The following RNF115 variants were observed in gnomAD, a reference collection of about 807,000 sequenced individuals.
The protein encoded by RNF115 is ring finger protein 115, also known as E3 ubiquitin-protein ligase RNF115.
RNF115 carries 31 observed loss-of-function variants against 39.2 expected under a neutral mutation model. The observed-to-expected ratio is 0.79, with a 90% CI of 0.59 to 1.07. RNF115 has a LOEUF of 1.07. RNF115 is among the 50% of genes least tolerant of loss of function. The pLI is 0.00. For synonymous variants in RNF115, 124 were observed against 131.0 expected, an observed-to-expected ratio of 0.95 and a Z score of 0.37; for missense variants, 384 against 381.7, an observed-to-expected ratio of 1.01 and a Z score of -0.05.
chr1:145,746,225 C>CAA lies in RNF115; in HGVS notation c.*639_*640dup, dbSNP rs200797637. 3.3e-5 allele frequency: 4 copies of CAA among 122,574 alleles called. No individual in the cohort carries two copies. The highest frequency in any genetic ancestry group is 8.4e-5 in the Admixed American group (1 of 11,890). The allele number at this position is 122,574 out of a possible 1,614,324, so 7.6% of individuals were successfully genotyped here. On this transcript the variant is annotated 3_prime_UTR_variant, in exon 9 of 9. Transcript: ENST00000582693. The stretch of plus-strand genomic sequence containing the variant: ...TAGGCGACAGAGCGAGACTCCATCT[C>CAA]AAAAAAAAAAAACAAAAAAAATTAA...
chr1:145,765,954 A>T (rs1647239625), intron 4 of RNF115, among the ~76,000 whole-genome samples: 1 of 152,126 alleles, frequency 6.6e-6, no homozygotes, highest in South Asian at 2.1e-4. Flanking sequence ...CACAAAGGCT[A>T]ATCTCTGACA....
At chr1:145,796,286 A>G (rs1648973144) in intron 1 of RNF115, among the ~76,000 whole-genome samples, 1 of 152,208 alleles carries the variant, frequency 6.6e-6, no homozygotes, top group Admixed American at 6.5e-5. Context: ...ACTAATCAAG[A>G]GACAAGGTGT....
chr1:145,756,037 T>A (rs1658281996), intron 4 of RNF115, among the ~76,000 whole-genome samples: 1 of 152,132 alleles, frequency 6.6e-6, no homozygotes, highest in African/African-American at 2.4e-5. Flanking sequence ...ATTCTGAGAA[T>A]TCCCAGCATC....
At chr1:145,796,971 GA>G (rs1466438119) in intron 1 of RNF115, among the ~76,000 whole-genome samples, 1 of 152,036 alleles carries the variant, frequency 6.6e-6, no homozygotes, top group African/African-American at 2.4e-5. Context: ...CTTAAAACTT[GA>G]AAAAGTTACA....
At chr1:145,760,175 C>T (rs1380598863) in intron 4 of RNF115, among the ~76,000 whole-genome samples, 1 of 152,102 alleles carries the variant, frequency 6.6e-6, no homozygotes, top group Non-Finnish European at 1.5e-5. Flanking sequence ...GAGTGGCTCA[C>T]ACCTGTAATC....
rs1657844673 is a variant in RNF115 at position 145,745,632 on chromosome 1, T to A, written c.*1234A>T. On this transcript the variant is annotated 3_prime_UTR_variant, in exon 9 of 9. Coordinates refer to ENST00000582693, the MANE Select transcript of RNF115 (RefSeq NM_014455.4). ...ACCACCACGCCCAGCTAATTTTATA[T>A]TTTTAGTAGAGACAAGGTTTTACCT... The A allele has an allele frequency of 6.6e-6, 1 of 151,706 alleles. No homozygotes were observed. Among genetic ancestry groups the A allele is most frequent in the South Asian group, 2.1e-4 (1 of 4,792 alleles). The allele number at this position is 151,706 out of a possible 1,614,324, so 9.4% of individuals were successfully genotyped here.
chr1:145,794,794 G>C (rs1648869892), intron 1 of RNF115, among the ~76,000 whole-genome samples: 1 of 151,716 alleles, frequency 6.6e-6, no homozygotes, highest in South Asian at 2.1e-4. Flanking sequence ...GAGGAGGGTG[G>C]ATCACAAAGT....
chr1:145,819,352 G>C (rs1466476656), intron 1 of RNF115, among the ~76,000 whole-genome samples: 1 of 151,162 alleles, frequency 6.6e-6, no homozygotes, highest in African/African-American at 2.4e-5. Context: ...AGGAGGCTAA[G>C]GTGGGAGGAT....
intron 1 of RNF115, among the ~76,000 whole-genome samples, chr1:145,802,077 C>T (rs1417893841): frequency 6.6e-6 from 1 of 152,122 alleles, no homozygotes; most frequent in Non-Finnish European, 1.5e-5. Flanking sequence ...CGTGAGCCAC[C>T]ACGCCCAGCC....
intron 1 of RNF115, among the ~76,000 whole-genome samples, chr1:145,792,874 C>G (rs1553719201): frequency 6.6e-6 from 1 of 152,116 alleles, no homozygotes; most frequent in African/African-American, 2.4e-5. Flanking sequence ...CTCCACTACA[C>G]ACATAAAGGA....
chr1:145,812,234 C>T (rs1183203945), intron 1 of RNF115, among the ~76,000 whole-genome samples: 2 of 149,952 alleles, frequency 1.3e-5, no homozygotes, highest in African/African-American at 4.8e-5. Context: ...CTATTCAAAT[C>T]TGTACAACAT....
At chr1:145,761,453 C>G (rs962221084) in intron 4 of RNF115, among the ~76,000 whole-genome samples, 3 of 152,178 alleles carry the variant, frequency 2.0e-5, no homozygotes, top group Non-Finnish European at 2.9e-5. Context: ...CCCAGTTGCT[C>G]CAGCCATGGC....
intron 1 of RNF115, among the ~76,000 whole-genome samples, chr1:145,814,296 A>G (rs1649879234): frequency 1.3e-5 from 2 of 151,950 alleles, no homozygotes; most frequent in South Asian, 4.2e-4. Context: ...AGACTTTGCC[A>G]AATGTTCCCT....
intron 4 of RNF115, among the ~76,000 whole-genome samples, chr1:145,767,429 G>A (rs1553715148): frequency 8.0e-5 from 12 of 150,452 alleles, no homozygotes; most frequent in Non-Finnish European, 8.9e-5. Flanking sequence ...GCCGGGCAGA[G>A]ACGCTCCTCA....
At chr1:145,790,928 G>A (rs782008496) in intron 1 of RNF115, among the ~76,000 whole-genome samples, 13 of 151,842 alleles carry the variant, frequency 8.6e-5, no homozygotes, top group Non-Finnish European at 1.6e-4. Context: ...GATCACTTGA[G>A]GTCAGGAGTT....
At chr1:145,786,911 T>TATAC in intron 2 of RNF115, 1 of 452,834 alleles carries the variant, frequency 2.2e-6, no homozygotes, top group Non-Finnish European at 4.0e-6. Context: ...GACATTTAAC[T>TATAC]GTATCAAAAT....
intron 3 of RNF115, among the ~76,000 whole-genome samples, chr1:145,778,357 A>C (rs1647972669): frequency 6.6e-6 from 1 of 152,126 alleles, no homozygotes; most frequent in African/African-American, 2.4e-5. Flanking sequence ...GTGACTACTA[A>C]TGTGTATGGG....
At position 145,742,843 on chromosome 1, in the gene RNF115, G is replaced by C. The variant is rs587675196; in HGVS notation, c.*4023C>G. On this transcript the variant is annotated 3_prime_UTR_variant, in exon 9 of 9. Transcript: ENST00000582693. Reference sequence around the variant, plus strand: ...CTTCTAACTTGAGAACCAATTCCTGGACCAATTCCTGCTCAAAGAAAACAT... The same window carrying C: ...CTTCTAACTTGAGAACCAATTCCTGCACCAATTCCTGCTCAAAGAAAACAT... 1 of 152,170 alleles carries C rather than the reference G, an allele frequency of 6.6e-6. No homozygotes were observed. The highest frequency in any genetic ancestry group is 1.5e-5 in the Non-Finnish European group (1 of 68,010). The allele number at this position is 152,170 out of a possible 1,614,324, so 9.4% of individuals were successfully genotyped here. A position where few individuals can be genotyped will look rare whatever the true frequency, so the allele number is the denominator to read the frequency against.
chr1:145,808,838 A>C (rs1255899665), intron 1 of RNF115, among the ~76,000 whole-genome samples: 4 of 152,206 alleles, frequency 2.6e-5, no homozygotes, highest in Non-Finnish European at 5.9e-5. Flanking sequence ...CCATAAATTC[A>C]AAATCAGGGA....
Sources: allele counts gnomAD v4.1 joint callset (sites outside exome capture counted in the v4.1 genomes callset), GRCh38; gene constraint gnomAD v4.1.1; transcripts MANE v1.5; gene names NCBI Gene and HGNC (gene_info 2026-07-23, HGNC 2026-07-21).